The following RBFOX1 variants were observed in gnomAD, a reference collection of about 807,000 sequenced individuals.
The protein encoded by RBFOX1 is RNA binding fox-1 homolog 1, also known as RNA binding protein fox-1 homolog 1.
A neutral mutation model predicts 57.7 loss-of-function variants in RBFOX1; 8 were observed. The observed-to-expected ratio is 0.14, with a 90% CI of 0.08 to 0.25. RBFOX1 has a LOEUF of 0.25. Among genes scored for constraint, RBFOX1 ranks in the 10% least tolerant of loss-of-function variants. The probability of loss-of-function intolerance (pLI) is 1.00; values close to 1 mark genes in which losing one functional copy is unlikely to be tolerated. For missense variants in RBFOX1, 611 were observed against 548.5 expected, an observed-to-expected ratio of 1.11 and a Z score of -1.14; for synonymous variants, 326 against 222.4, an observed-to-expected ratio of 1.47 and a Z score of -4.15.
chr16:6,118,810 C>T (rs908548028), intron 1 of RBFOX1, among the ~76,000 whole-genome samples: 3 of 149,772 alleles, frequency 2.0e-5, no homozygotes, highest in Non-Finnish European at 4.4e-5. Context: ...TCCTTCCTTC[C>T]TTCCTTCCCT....
intron 1 of RBFOX1, among the ~76,000 whole-genome samples, chr16:6,162,445 G>C (rs2096886712): frequency 6.6e-6 from 1 of 152,130 alleles, no homozygotes; most frequent in Admixed American, 6.6e-5. Flanking sequence ...GGAAGTGCCA[G>C]GCATGCTTAT....
intron 4 of RBFOX1, among the ~76,000 whole-genome samples, chr16:5,933,283 A>G (rs2059104028): frequency 6.6e-6 from 1 of 152,172 alleles, no homozygotes; most frequent in African/African-American, 2.4e-5. Context: ...TAGAAAAAGC[A>G]CCAAACCAAG....
Position 6,859,129 on chromosome 16 carries a change from A to ATATATATGTATATATATATG in RBFOX1, c.-15-192928_-15-192927insTATATATGTATATATATATG, listed in dbSNP as rs1567592071. Among the ~76,000 whole-genome samples the ATATATATGTATATATATATG allele has an allele frequency of 5.1e-3, 387 of 75,592 alleles. 24 individuals carry two copies. Among genetic ancestry groups the ATATATATGTATATATATATG allele is most frequent in the African/African-American group, 0.03 (367 of 12,204 alleles). 49.6% of individuals were successfully genotyped at this position (75,592 alleles called of 152,430 possible). On this transcript the variant is annotated intron_variant, in intron 3 of 15. Transcript: ENST00000550418. Reference sequence around the variant, plus strand: ...AAAAAGTGTATATATATATATATATACATATATATACGTATATATATATGT... The same window carrying ATATATATGTATATATATATG: ...AAAAAGTGTATATATATATATATATATATATATGTATATATATATGCATATATATACGTATATATATATGT...
At chr16:7,228,271 G>A (rs976123635) in intron 4 of RBFOX1, among the ~76,000 whole-genome samples, 1 of 152,134 alleles carries the variant, frequency 6.6e-6, no homozygotes, top group African/African-American at 2.4e-5. Context: ...GATCAGAGCT[G>A]AGGACTATAT....
chr16:6,967,245 A>G (rs2084468279), intron 3 of RBFOX1, among the ~76,000 whole-genome samples: 1 of 151,670 alleles, frequency 6.6e-6, no homozygotes, highest in African/African-American at 2.4e-5. Context: ...ACATTCATCT[A>G]CCATCTGTCT....
intron 3 of RBFOX1, among the ~76,000 whole-genome samples, chr16:6,973,599 C>G (rs2086091167): frequency 6.6e-6 from 1 of 151,932 alleles, no homozygotes; most frequent in Non-Finnish European, 1.5e-5. Flanking sequence ...ATGGTGAGGA[C>G]TTTTTATTGT....
rs1217474515 is a variant in RBFOX1, at chr16:5,956,658, T to TTATATA, written c.351+89339_351+89344dup. Among the ~76,000 whole-genome samples, 23 of 101,982 alleles carry TTATATA rather than the reference T, an allele frequency of 2.3e-4. No individual in the cohort carries two copies. The East Asian group carries it at 6.3e-3, about 28-fold the overall frequency. The allele number at this position is 101,982 out of a possible 152,430, so 66.9% of individuals were successfully genotyped here. On this transcript the variant is annotated intron_variant, in intron 4 of 19. Coordinates refer to the RBFOX1 transcript ENST00000641259. Reference sequence around the variant, plus strand: ...AAAACAAATATATATATATATATATTTATATATATATATATATATATTTTT... The same window carrying TTATATA: ...AAAACAAATATATATATATATATATTTATATATATATATATATATATATATATTTTT...
rs1227485228 is a variant in RBFOX1 at position 6,216,793 on chromosome 16, A to G, written c.-126-100202A>G. Among the ~76,000 whole-genome samples, 4 of 151,948 alleles carry G rather than the reference A, an allele frequency of 2.6e-5. No homozygotes were observed. The South Asian group carries it at 6.2e-4, about 24-fold the overall frequency. On this transcript the variant is annotated intron_variant, in intron 1 of 15. Coordinates refer to ENST00000550418, the MANE Select transcript of RBFOX1 (RefSeq NM_018723.4). ...AAGCAAATTCTTTTATTTCTCACGT[A>G]TATGCCTCCGAATGATTTATTTTTT...
intron 1 of RBFOX1, among the ~76,000 whole-genome samples, chr16:5,409,239 C>T (rs1175591634): frequency 6.6e-6 from 1 of 152,198 alleles, no homozygotes; most frequent in Non-Finnish European, 1.5e-5. Flanking sequence ...GCTTGGCCTT[C>T]CTGTGTGTGG....
chr16:6,499,899 T>A (rs747497158), intron 2 of RBFOX1, among the ~76,000 whole-genome samples: 1 of 152,128 alleles, frequency 6.6e-6, no homozygotes, highest in Admixed American at 6.6e-5. Flanking sequence ...GGTAAAAGGA[T>A]GTGGTAAGGG....
intron 4 of RBFOX1, among the ~76,000 whole-genome samples, chr16:7,419,768 C>T (rs1034106911): frequency 1.3e-5 from 2 of 152,188 alleles, no homozygotes; most frequent in African/African-American, 2.4e-5. Flanking sequence ...CACCTCCTAT[C>T]TGGTTGTAAT....
chr16:6,519,605 G>T (rs1173499910), intron 2 of RBFOX1, among the ~76,000 whole-genome samples: 1 of 152,138 alleles, frequency 6.6e-6, no homozygotes, highest in Non-Finnish European at 1.5e-5. Context: ...GGAGGCTGAG[G>T]CCAGAGAATT....
intron 1 of RBFOX1, among the ~76,000 whole-genome samples, chr16:6,257,254 T>C (rs2097673770): frequency 6.6e-6 from 1 of 152,108 alleles, no homozygotes; most frequent in African/African-American, 2.4e-5. Flanking sequence ...TTTATCCCGA[T>C]GCTCTCCCTC....
At chr16:6,320,202 A>G (rs1406437745) in intron 2 of RBFOX1, among the ~76,000 whole-genome samples, 1 of 152,184 alleles carries the variant, frequency 6.6e-6, no homozygotes, top group Non-Finnish European at 1.5e-5. Flanking sequence ...GCGTAACCCT[A>G]ATCAGCTGAT....
intron 4 of RBFOX1, among the ~76,000 whole-genome samples, chr16:5,878,434 T>A (rs2057673276): frequency 6.6e-6 from 1 of 152,230 alleles, no homozygotes; most frequent in African/African-American, 2.4e-5. Context: ...TGGGACCCAC[T>A]CAGGGCCATA....
Position 5,645,282 on chromosome 16 carries a change from A to C in RBFOX1, c.318+46321A>C, listed in dbSNP as rs976893199. Among the ~76,000 whole-genome samples, 26 of 151,960 alleles carry C rather than the reference A, an allele frequency of 1.7e-4. No individual in the cohort carries two copies. The South Asian group carries it at 3.3e-3, about 19-fold the overall frequency. ...CAAAAACAGAAACAAAAACAAAAAA[A>C]AAAACATGCTGAGTGAAAGAAGCTG... On this transcript the variant is annotated intron_variant, in intron 3 of 19. Transcript: ENST00000641259.
At chr16:5,954,777 T>G (rs1011427550) in intron 4 of RBFOX1, among the ~76,000 whole-genome samples, 1 of 152,136 alleles carries the variant, frequency 6.6e-6, no homozygotes, top group Non-Finnish European at 1.5e-5. Context: ...TTAAAATGCT[T>G]CCTTCCTCCC....
chr16:7,348,450 G>C (rs577532461), intron 4 of RBFOX1, among the ~76,000 whole-genome samples: 1 of 151,680 alleles, frequency 6.6e-6, no homozygotes, highest in Non-Finnish European at 1.5e-5. Context: ...AGACTAAGGT[G>C]ATGTCTTAAA....
chr16:7,065,240 A>G (rs1241197126), intron 4 of RBFOX1, among the ~76,000 whole-genome samples: 3 of 152,192 alleles, frequency 2.0e-5, no homozygotes, highest in African/African-American at 7.2e-5. Flanking sequence ...TTTTGCTTCT[A>G]TCTAGCTTTC....
Sources: gnomAD v4.1 joint callset for allele counts (sites outside exome capture counted in the v4.1 genomes callset) on GRCh38, gnomAD v4.1.1 for gene constraint, MANE v1.5 for transcripts, NCBI Gene and HGNC (gene_info 2026-07-23, HGNC 2026-07-21) for gene names.